The following ATP5F1C variants were observed in gnomAD, a reference collection of about 807,000 sequenced individuals.
ATP5F1C encodes the protein ATP synthase F1 subunit gamma.
In ATP5F1C, 22 loss-of-function variants were observed where a neutral mutation model predicts 37.4. The ratio of observed to expected loss-of-function variants is 0.59; its 90% CI spans 0.42 to 0.84. The LOEUF (loss-of-function observed/expected upper bound fraction) is 0.84. Among genes scored for constraint, ATP5F1C ranks in the 40% least tolerant of loss-of-function variants. The pLI, the probability that ATP5F1C is intolerant of heterozygous loss-of-function variation, is 0.00. For missense variants in ATP5F1C, 286 were observed against 362.4 expected, an observed-to-expected ratio of 0.79 and a Z score of 1.71; for synonymous variants, 121 against 128.0, an observed-to-expected ratio of 0.95 and a Z score of 0.37.
At chr10:7,796,671 G>C (rs1431620422) in intron 2 of ATP5F1C, 1 of 126,322 alleles carries the variant, frequency 7.9e-6, no homozygotes, top group African/African-American at 2.8e-5. Context: ...TGCAAGCTCC[G>C]CCTCCCGGGT....
At chr10:7,794,563 A>G (rs575054748) in intron 1 of ATP5F1C, among the ~76,000 whole-genome samples, 1 of 150,718 alleles carries the variant, frequency 6.6e-6, no homozygotes, top group East Asian at 1.9e-4. Flanking sequence ...AGACTTTTTC[A>G]TGACTGGGTG....
rs1836223207 is a variant in ATP5F1C, at chr10:7,795,489, A to G, written c.57-632A>G. ...TTGACTTCTGCACATTAGCATTTCA[A>G]TTTTAAAGACTTGAAAAAAAATACT... is the stretch of plus-strand genomic sequence containing the variant. On this transcript the variant is annotated intron_variant, in intron 1 of 9. Transcript: ENST00000356708. 2.0e-5 allele frequency among the ~76,000 whole-genome samples: 3 copies of G among 152,090 alleles called. No individual in the cohort carries two copies. The South Asian group carries it at 6.2e-4, about 32-fold the overall frequency.
chr10:7,798,934 T>C (rs1488765749), intron 3 of ATP5F1C, 56 bp from the exon 4 acceptor site: 4 of 1,476,752 alleles, frequency 2.7e-6, no homozygotes, highest in Middle Eastern at 2.5e-4. Context: ...AATTAGAGAT[T>C]TATTGTATTT....
At chr10:7,795,744 AT>A (rs2131060674) in intron 1 of ATP5F1C, among the ~76,000 whole-genome samples, 1 of 152,328 alleles carries the variant, frequency 6.6e-6, no homozygotes, top group African/African-American at 2.4e-5. Context: ...AACTAAGGAA[AT>A]TTTTAGAGTG....
At chr10:7,796,333 C>T (rs1374502037) in intron 2 of ATP5F1C, 178 bp downstream of exon 2, 2 of 494,628 alleles carry the variant, frequency 4.0e-6, no homozygotes, top group Non-Finnish European at 7.3e-6. Flanking sequence ...TAAGAAAGGA[C>T]ACCTGAGACA....
At chr10:7,790,889 G>A (rs1421974802) in intron 1 of ATP5F1C, among the ~76,000 whole-genome samples, 1 of 152,228 alleles carries the variant, frequency 6.6e-6, no homozygotes, top group East Asian at 1.9e-4. Context: ...GACAATGGGG[G>A]AAATGCTGAT....
At chr10:7,807,056 AT>A in intron 9 of ATP5F1C, 46 bp downstream of exon 9, 1 of 1,536,290 alleles carries the variant, frequency 6.5e-7, no homozygotes, top group Non-Finnish European at 8.9e-7. Flanking sequence ...AAAGAAACCT[AT>A]TCAGATATAA....
rs1479443490 is a variant in ATP5F1C at position 7,802,424 on chromosome 10, T to G, written c.792T>G (p.Ala264=). 6.2e-7 allele frequency: 1 copy of G among 1,611,732 alleles called. No individual in the cohort carries two copies. Among genetic ancestry groups the G allele is most frequent in the South Asian group, 1.1e-5 (1 of 90,654 alleles). ...MTAMDNASKN[A]SEMIDKLTLT... ...CCATGGACAATGCCAGCAAGAATGC[T>G]TGTAAGTACACAGTATGGACAGTGC... The change falls in exon 7 of 10, where the codon GCT becomes GCG. Residue 264 remains alanine, a splice_region_variant and synonymous_variant. Coordinates refer to ENST00000356708, the MANE Select transcript of ATP5F1C (RefSeq NM_001001973.3).
intron 6 of ATP5F1C, 42 bp from the exon 7 acceptor site, chr10:7,802,228 C>T (rs1836379810): frequency 1.9e-6 from 3 of 1,553,194 alleles, no homozygotes; most frequent in Non-Finnish European, 2.6e-6. Flanking sequence ...ATTACTATTC[C>T]TTCCATATAA....
chr10:7,800,530 T>C (rs1836342169), intron 6 of ATP5F1C, among the ~76,000 whole-genome samples: 1 of 147,640 alleles, frequency 6.8e-6, no homozygotes. Context: ...AGTCTCACTG[T>C]GTCACCCAGG....
intron 1 of ATP5F1C, among the ~76,000 whole-genome samples, chr10:7,794,915 C>G (rs1329503829): frequency 6.6e-6 from 1 of 152,152 alleles, no homozygotes; most frequent in Non-Finnish European, 1.5e-5. Flanking sequence ...CAAATCTAGT[C>G]TCCTATTGCT....
In ATP5F1C at chr10:7,802,351, ACT is replaced by A; in HGVS notation, c.724_725del (p.Leu242GlufsTer6). ...TACAATCTGGCCAACATCATCTACT[ACT>A]CTCTGAAGGAGTCCACCACTAGTGA... On this transcript the variant is annotated frameshift_variant, in exon 7 of 10. Transcript: ENST00000356708. LOFTEE classifies it high-confidence loss of function. 1.9e-6 allele frequency: 3 copies of A among 1,614,046 alleles called. No homozygotes were observed. The East Asian group carries it at 6.7e-5, about 36-fold the overall frequency.
chr10:7,801,356 TG>T (rs1282909107), intron 6 of ATP5F1C, among the ~76,000 whole-genome samples: 1 of 152,270 alleles, frequency 6.6e-6, no homozygotes, highest in African/African-American at 2.4e-5. Flanking sequence ...TATAGTATTT[TG>T]ATAATATATA....
chr10:7,799,724 G>A (rs1292480318), intron 4 of ATP5F1C, 48 bp from the exon 5 acceptor site: 1 of 1,600,366 alleles, frequency 6.2e-7, no homozygotes, highest in Admixed American at 1.7e-5. Context: ...TGCTCTTTCA[G>A]CAGAAATCTT....
intron 7 of ATP5F1C, 85 bp from the exon 8 acceptor site, chr10:7,802,673 T>C: frequency 7.0e-7 from 1 of 1,434,496 alleles, no homozygotes; most frequent in Non-Finnish European, 9.5e-7. Flanking sequence ...ATTTCTTACT[T>C]TTAAATTAAG....
rs141298924 is a variant in ATP5F1C at position 7,802,292 on chromosome 10, T to C, written c.660T>C (p.Asp220=). 1.3e-4 allele frequency: 202 copies of C among 1,612,946 alleles called. 1 individual carries two copies. The African/African-American group carries it at 2.1e-3, about 17-fold the overall frequency. Residue 220 remains aspartate, a synonymous_variant, in exon 7 of 10, where the codon GAT becomes GAC. Transcript: ENST00000356708. ...ASADSMSIYD[D]IDADVLQNYQ... ...CAGACAGCATGAGTATCTATGACGA[T>C]ATTGATGCTGACGTGCTGCAAAATT...
At chr10:7,790,791 A>T (rs1430943112) in intron 1 of ATP5F1C, among the ~76,000 whole-genome samples, 2 of 152,194 alleles carry the variant, frequency 1.3e-5, no homozygotes, top group Non-Finnish European at 2.9e-5. Flanking sequence ...TGTCTGTCCC[A>T]CCAGTTCCTC....
intron 8 of ATP5F1C, chr10:7,804,212 C>T (rs1247908190): frequency 1.2e-5 from 6 of 518,292 alleles, no homozygotes; most frequent in Admixed American, 1.9e-5. Context: ...CTGTGTGGCC[C>T]TTCACCGAAA....
At chr10:7,792,412 CTT>C in intron 1 of ATP5F1C, among the ~76,000 whole-genome samples, 1 of 152,152 alleles carries the variant, frequency 6.6e-6, no homozygotes, top group Non-Finnish European at 1.5e-5. Context: ...AAGATCCACT[CTT>C]TTTGTTATAC....
Sources: gnomAD v4.1 joint callset for allele counts (sites outside exome capture counted in the v4.1 genomes callset) on GRCh38, gnomAD v4.1.1 for gene constraint, MANE v1.5 for transcripts, NCBI Gene and HGNC (gene_info 2026-07-23, HGNC 2026-07-21) for gene names.